The following SLC25A20 variants were observed in gnomAD, a reference collection of about 807,000 sequenced individuals.
SLC25A20 encodes the protein mitochondrial carnitine/acylcarnitine carrier protein.
In SLC25A20, 29 loss-of-function variants were observed where a neutral mutation model predicts 39.7. The ratio of observed to expected loss-of-function variants is 0.73; its 90% CI spans 0.54 to 1.00. The LOEUF (loss-of-function observed/expected upper bound fraction) is 1.00, where lower values mean the gene tolerates loss of function less well. SLC25A20 is among the 50% of genes least tolerant of loss of function. The pLI is 0.00. For missense variants in SLC25A20, 333 were observed against 379.9 expected (o/e 0.88, Z 1.03); for synonymous variants, 103 against 142.2 (o/e 0.72, Z 1.96).
intron 4 of SLC25A20, among the ~76,000 whole-genome samples, chr3:48,877,259 A>G (rs2083765484): frequency 6.6e-6 from 1 of 152,046 alleles, no homozygotes; most frequent in Non-Finnish European, 1.5e-5. Context: ...TACTAAAAAT[A>G]CAAAATTAGC....
chr3:48,898,814 CCGT>C lies in SLC25A20; in HGVS notation c.-23_-21del, dbSNP rs1488941066. On this transcript the variant is annotated 5_prime_UTR_variant, in exon 1 of 9. Transcript: ENST00000319017. ...GGCCATGGTCAGTCCGTCTGTCACT[CCGT>C]CTGTCAGTTCTCGGGCCGTCCTGGC... is the stretch of plus-strand genomic sequence containing the variant. 4.1e-5 allele frequency: 63 copies of C among 1,552,302 alleles called. No homozygotes were observed. The highest frequency in any genetic ancestry group is 1.7e-4 in the Middle Eastern group (1 of 5,952).
chr3:48,895,753 A>G, intron 1 of SLC25A20: 1 of 456,502 alleles, frequency 2.2e-6, no homozygotes. Flanking sequence ...AGGCCACCAT[A>G]CCTTTACATC....
chr3:48,886,885 AG>A (rs2083833591), intron 2 of SLC25A20, among the ~76,000 whole-genome samples: 1 of 152,196 alleles, frequency 6.6e-6, no homozygotes, highest in Admixed American at 6.6e-5. Flanking sequence ...CAGGAGAATC[AG>A]GGTGAGGCTG....
chr3:48,890,583 T>C (rs1404650616), intron 2 of SLC25A20, among the ~76,000 whole-genome samples: 2 of 151,670 alleles, frequency 1.3e-5, no homozygotes, highest in Non-Finnish European at 2.9e-5. Context: ...CCCTATCCCA[T>C]GATCACGTGA....
intron 1 of SLC25A20, among the ~76,000 whole-genome samples, chr3:48,897,596 C>A (rs919832425): frequency 1.3e-5 from 2 of 151,830 alleles, no homozygotes; most frequent in Non-Finnish European, 2.9e-5. Context: ...CTACTTTAAC[C>A]CTGGTCTTCC....
At chr3:48,884,893 TA>T (rs74266012) in intron 2 of SLC25A20, among the ~76,000 whole-genome samples, 5,982 of 99,270 alleles carry the variant, frequency 0.06, 328 homozygotes, top group African/African-American at 0.17. Flanking sequence ...GATTATTAAG[TA>T]AAAAAAAAAA....
intron 4 of SLC25A20, among the ~76,000 whole-genome samples, chr3:48,877,634 C>A (rs995200037): frequency 2.6e-5 from 4 of 151,344 alleles, no homozygotes; most frequent in Non-Finnish European, 5.9e-5. Context: ...GAGGCTGAGG[C>A]AGGGGAATAG....
intron 1 of SLC25A20, among the ~76,000 whole-genome samples, chr3:48,896,607 T>C (rs2083911294): frequency 6.6e-6 from 1 of 151,972 alleles, no homozygotes; most frequent in Non-Finnish European, 1.5e-5. Flanking sequence ...GCCCTGTGGG[T>C]TCAAGCGATT....
At chr3:48,866,921 G>C (rs1252501153) in intron 4 of SLC25A20, among the ~76,000 whole-genome samples, 1 of 151,994 alleles carries the variant, frequency 6.6e-6, no homozygotes. Context: ...AGACTCCCGA[G>C]TAGCTGGGAT....
rs1340389773 is a variant in SLC25A20 at position 48,857,430 on chromosome 3, G to C, written c.*280C>G. 4 of 446,578 alleles carry C rather than the reference G, an allele frequency of 9.0e-6. No homozygotes were observed. The highest frequency in any genetic ancestry group is 1.7e-5 in the Non-Finnish European group (4 of 240,200). 27.7% of individuals were successfully genotyped at this position (446,578 alleles called of 1,614,324 possible). A position where few individuals can be genotyped will look rare whatever the true frequency, so the allele number is the denominator to read the frequency against. ...CAGTTAACTGGTAGGCAGCATTCTT[G>C]CCACAGGTAGTATCTGGTCTGGAAG... is the stretch of plus-strand genomic sequence containing the variant. On this transcript the variant is annotated 3_prime_UTR_variant, in exon 9 of 9. Coordinates refer to ENST00000319017, the MANE Select transcript of SLC25A20 (RefSeq NM_000387.6).
chr3:48,864,278 G>A (rs1218541941), intron 4 of SLC25A20, among the ~76,000 whole-genome samples: 3 of 144,348 alleles, frequency 2.1e-5, no homozygotes, highest in Non-Finnish European at 4.5e-5. Flanking sequence ...AACCTGGGAG[G>A]CGGAAGTTGT....
chr3:48,859,220 A>G lies in SLC25A20; in HGVS notation c.609-19T>C. ...ACTGACCCTGTATAACACCAACCAC[A>G]GCCCCAGTTAGACAAAGGCTGTGAG... is the stretch of plus-strand genomic sequence containing the variant. On this transcript the variant is annotated intron_variant, in intron 6 of 8. Transcript: ENST00000319017. 1.2e-6 allele frequency: 2 copies of G among 1,600,526 alleles called. No homozygotes were observed. Among genetic ancestry groups the G allele is most frequent in the Middle Eastern group, 1.7e-4 (1 of 6,026 alleles).
intron 3 of SLC25A20, among the ~76,000 whole-genome samples, chr3:48,880,676 T>C (rs2106655095): frequency 6.7e-6 from 1 of 148,552 alleles, no homozygotes; most frequent in South Asian, 2.2e-4. Context: ...TCTCCTGGGC[T>C]CAAGTGACCT....
At chr3:48,870,661 G>A (rs1216471619) in intron 4 of SLC25A20, among the ~76,000 whole-genome samples, 1 of 147,552 alleles carries the variant, frequency 6.8e-6, no homozygotes, top group Non-Finnish European at 1.5e-5. Flanking sequence ...CTACAGGCAC[G>A]CAACACCATG....
intron 4 of SLC25A20, among the ~76,000 whole-genome samples, chr3:48,875,401 A>G (rs746925968): frequency 2.6e-5 from 4 of 151,430 alleles, no homozygotes; most frequent in African/African-American, 4.8e-5. Flanking sequence ...CACCCAGCCT[A>G]TTTATTTATT....
intron 1 of SLC25A20, among the ~76,000 whole-genome samples, chr3:48,897,369 T>TATATATA (rs1559673766): frequency 1.1e-4 from 10 of 93,318 alleles, no homozygotes; most frequent in South Asian, 6.1e-4. Context: ...ATATATATAT[T>TATATATA]TTTTTTTTTT....
At chr3:48,881,626 G>A (rs2106655912) in intron 3 of SLC25A20, among the ~76,000 whole-genome samples, 1 of 152,264 alleles carries the variant, frequency 6.6e-6, no homozygotes, top group East Asian at 1.9e-4. Flanking sequence ...TGTGGGAGTG[G>A]GGTCCTGAGT....
intron 4 of SLC25A20, among the ~76,000 whole-genome samples, chr3:48,877,643 A>G (rs564421291): frequency 6.7e-6 from 1 of 149,274 alleles, no homozygotes; most frequent in East Asian, 2.0e-4. Flanking sequence ...GCAGGGGAAT[A>G]GCTGGAACCC....
chr3:48,881,466 T>G (rs2083795276), intron 3 of SLC25A20, among the ~76,000 whole-genome samples: 1 of 152,096 alleles, frequency 6.6e-6, no homozygotes, highest in Non-Finnish European at 1.5e-5. Flanking sequence ...TGGCCTATTC[T>G]CCCACTCCCC....
Sources: allele counts gnomAD v4.1 joint callset (sites outside exome capture counted in the v4.1 genomes callset), GRCh38; gene constraint gnomAD v4.1.1; transcripts MANE v1.5; gene names NCBI Gene and HGNC (gene_info 2026-07-23, HGNC 2026-07-21).